Variants in KLF13 observed in about 807,000 individuals in gnomAD.
The protein encoded by KLF13 is KLF transcription factor 13.
In KLF13, 8 loss-of-function variants were observed where a neutral mutation model predicts 16.7. The ratio of observed to expected loss-of-function variants is 0.48; its 90% CI spans 0.28 to 0.87. KLF13 has a LOEUF of 0.87. Among genes scored for constraint, KLF13 ranks in the 40% least tolerant of loss-of-function variants. The pLI is 0.10. For synonymous variants in KLF13, 245 were observed against 208.4 expected (o/e 1.18, Z -1.51); for missense variants, 447 against 452.2 (o/e 0.99, Z 0.10).
intron 1 of KLF13, chr15:31,393,430 C>A (rs905896748): frequency 1.3e-5 from 2 of 151,868 alleles, no homozygotes; most frequent in Admixed American, 6.6e-5. Flanking sequence ...CCGTCCCCCC[C>A]CCGTCCCCCT....
chr15:31,327,764 C>A lies in KLF13; in HGVS notation c.552C>A (p.Leu184=). The A allele has an allele frequency of 6.5e-7, 1 of 1,530,856 alleles. No individual in the cohort carries two copies. The highest frequency in any genetic ancestry group is 8.8e-7 in the Non-Finnish European group (1 of 1,134,448). 94.8% of individuals were successfully genotyped at this position (1,530,856 alleles called of 1,614,324 possible). A position where few individuals can be genotyped will look rare whatever the true frequency, so the allele number is the denominator to read the frequency against. The change falls in exon 1 of 2, where the codon CTC becomes CTA. Residue 184 remains leucine, a synonymous_variant. Transcript: ENST00000307145. ...AAGTTTACGGGAAATCTTCGCACCT[C>A]AAGGCGCACCTGAGAACTCACACAG... ...CEKVYGKSSH[L]KAHLRTHTGE... is the part of the protein sequence containing the mutation.
At chr15:31,419,978 G>A in intron 1 of KLF13, 2 of 297,316 alleles carry the variant, frequency 6.7e-6, no homozygotes, top group South Asian at 6.5e-5. Flanking sequence ...GCTACTGTAA[G>A]ATTATCAGCT....
intron 1 of KLF13, among the ~76,000 whole-genome samples, chr15:31,384,250 C>T (rs1179723978): frequency 6.6e-6 from 1 of 152,114 alleles, no homozygotes; most frequent in Non-Finnish European, 1.5e-5. Context: ...ACCAGCCTGA[C>T]CAACATGGTG....
chr15:31,369,901 C>T (rs527563427), intron 1 of KLF13, among the ~76,000 whole-genome samples: 1 of 152,250 alleles, frequency 6.6e-6, no homozygotes, highest in South Asian at 2.1e-4. Context: ...TTGTTTCTTC[C>T]CCCTCTCTCT....
intron 2 of KLF13, among the ~76,000 whole-genome samples, chr15:31,402,551 C>G (rs1011872769): frequency 3.9e-5 from 6 of 152,246 alleles, no homozygotes; most frequent in Non-Finnish European, 7.3e-5. Context: ...TGTCCCCGCT[C>G]TGGTGCAGGG....
intron 1 of KLF13, among the ~76,000 whole-genome samples, chr15:31,421,189 G>T (rs1439566572): frequency 6.6e-6 from 1 of 151,954 alleles, no homozygotes; most frequent in Non-Finnish European, 1.5e-5. Context: ...AAATGAAGGT[G>T]AAATAAAGAC....
At chr15:31,352,470 C>T (rs2039232004) in intron 1 of KLF13, among the ~76,000 whole-genome samples, 1 of 152,242 alleles carries the variant, frequency 6.6e-6, no homozygotes, top group Non-Finnish European at 1.5e-5. Flanking sequence ...GGCTCCATGC[C>T]TGCCTTCTCC....
chr15:31,327,856 C>T (rs1181886311), intron 1 of KLF13, 67 bp downstream of exon 1: 3 of 1,262,440 alleles, frequency 2.4e-6, no homozygotes, highest in South Asian at 2.4e-5. Flanking sequence ...CGACCACGCC[C>T]CCGGAGTCCC....
At chr15:31,424,875 T>TCACAACA (rs2040382681) in intron 1 of KLF13, among the ~76,000 whole-genome samples, 1 of 146,198 alleles carries the variant, frequency 6.8e-6, no homozygotes, top group Non-Finnish European at 1.5e-5. Flanking sequence ...TCTAGAGATT[T>TCACAACA]CACACACACA....
chr15:31,419,560 G>A (rs2040297011), intron 1 of KLF13, among the ~76,000 whole-genome samples: 1 of 152,128 alleles, frequency 6.6e-6, no homozygotes, highest in Non-Finnish European at 1.5e-5. Flanking sequence ...TAGACAACTT[G>A]ATCAAGCAGA....
rs1020870543 is a variant in KLF13, at chr15:31,373,528, C to G, written c.*1229C>G. 1 of 152,366 alleles carries G rather than the reference C, an allele frequency of 6.6e-6. No individual in the cohort carries two copies. Among genetic ancestry groups the G allele is most frequent in the African/African-American group, 2.4e-5 (1 of 41,458 alleles). The allele number at this position is 152,366 out of a possible 1,614,324, so 9.4% of individuals were successfully genotyped here. On this transcript the variant is annotated 3_prime_UTR_variant, in exon 2 of 2. Transcript: ENST00000307145. The stretch of plus-strand genomic sequence containing the variant: ...CAACTCAGACTTAGCAAACCTCCAG[C>G]CTCTCCGTTTCCCCTGGACTCCTCC...
chr15:31,371,614 T>C (rs534540066), intron 1 of KLF13, among the ~76,000 whole-genome samples: 5 of 152,306 alleles, frequency 3.3e-5, no homozygotes, highest in Admixed American at 6.5e-5. Flanking sequence ...CCGGGAGGCC[T>C]GTGAAGCCAG....
chr15:31,389,033 A>G (rs549552759), upstream of KLF13, among the ~76,000 whole-genome samples: 1 of 152,324 alleles, frequency 6.6e-6, no homozygotes, highest in Non-Finnish European at 1.5e-5. Context: ...ATTGAACAAC[A>G]TGGGTTTGAA....
intron 1 of KLF13, among the ~76,000 whole-genome samples, chr15:31,416,177 T>A (rs1369983592): frequency 6.6e-6 from 1 of 152,000 alleles, no homozygotes; most frequent in Non-Finnish European, 1.5e-5. Context: ...AATAAAAAAC[T>A]ACCCACTAAG....
At chr15:31,386,934 C>T (rs1338091118) in intron 1 of KLF13, among the ~76,000 whole-genome samples, 3 of 152,128 alleles carry the variant, frequency 2.0e-5, no homozygotes, top group African/African-American at 7.2e-5. Context: ...TTTTTAAGCC[C>T]ACTTTGAGAT....
At chr15:31,337,651 G>GTA (rs1452431861) in intron 1 of KLF13, among the ~76,000 whole-genome samples, 12 of 152,208 alleles carry the variant, frequency 7.9e-5, no homozygotes, top group Non-Finnish European at 1.5e-4. Context: ...AGCCGGTACA[G>GTA]TATAGTACTG....
chr15:31,334,520 C>T (rs538395329), intron 1 of KLF13, among the ~76,000 whole-genome samples: 6 of 152,184 alleles, frequency 3.9e-5, no homozygotes, highest in East Asian at 1.9e-4. Flanking sequence ...CTCCGCCTCC[C>T]GGGTTCAAGT....
At chr15:31,430,203 G>A (rs1449832222) in intron 1 of KLF13, among the ~76,000 whole-genome samples, 2 of 152,070 alleles carry the variant, frequency 1.3e-5, no homozygotes, top group African/African-American at 2.4e-5. Flanking sequence ...AGAGTGAAAA[G>A]CTAAGTCACA....
At chr15:31,364,236 AG>A (rs1411587291) in intron 1 of KLF13, among the ~76,000 whole-genome samples, 2 of 152,270 alleles carry the variant, frequency 1.3e-5, no homozygotes, top group African/African-American at 4.8e-5. Context: ...CAAAGCAACA[AG>A]AAAAATGCCT....
Sources: gnomAD v4.1 joint callset for allele counts (sites outside exome capture counted in the v4.1 genomes callset) on GRCh38, gnomAD v4.1.1 for gene constraint, MANE v1.5 for transcripts, NCBI Gene and HGNC (gene_info 2026-07-23, HGNC 2026-07-21) for gene names.